Variants in SYCP2L observed in about 807,000 individuals in gnomAD.
The protein encoded by SYCP2L is synaptonemal complex protein 2-like.
Under a neutral mutation model 125.8 loss-of-function variants are expected in SYCP2L, and 98 were observed. The ratio of observed to expected loss-of-function variants is 0.78; its 90% CI spans 0.66 to 0.92. The LOEUF (loss-of-function observed/expected upper bound fraction) is 0.92. Among genes scored for constraint, SYCP2L ranks in the 40% least tolerant of loss-of-function variants. SYCP2L has a pLI of 0.00. For missense variants in SYCP2L, 842 were observed against 936.4 expected (o/e 0.90, Z 1.32); for synonymous variants, 317 against 325.4 (o/e 0.97, Z 0.28).
chr6:10,926,541 T>C, intron 16 of SYCP2L, 109 bp downstream of exon 16: 1 of 759,314 alleles, frequency 1.3e-6, no homozygotes, highest in Non-Finnish European at 2.2e-6. Context: ...GATGCGTGTC[T>C]GATGGCACTT....
In SYCP2L at chr6:10,894,013, G is replaced by C. The variant is rs1479487926; in HGVS notation, c.216+9G>C. On this transcript the variant is annotated intron_variant, in intron 3 of 29. Coordinates refer to ENST00000283141, the MANE Select transcript of SYCP2L (RefSeq NM_001040274.3). The stretch of plus-strand genomic sequence containing the variant: ...ACAGATCAATAAATAAGGCAAGTTG[G>C]TTTGCTTTGTGACCAAAATACAAAT... The C allele has an allele frequency of 6.2e-7, 1 of 1,603,932 alleles. No homozygotes were observed. Among genetic ancestry groups the C allele is most frequent in the Non-Finnish European group, 8.5e-7 (1 of 1,177,402 alleles).
intron 29 of SYCP2L, among the ~76,000 whole-genome samples, chr6:10,968,109 G>A (rs954502843): frequency 1.3e-5 from 2 of 152,144 alleles, no homozygotes; most frequent in African/African-American, 2.4e-5. Context: ...CATTTCCAGT[G>A]GATAAAATTG....
chr6:10,959,570 C>T (rs757128322), intron 26 of SYCP2L, among the ~76,000 whole-genome samples: 1 of 152,084 alleles, frequency 6.6e-6, no homozygotes, highest in Non-Finnish European at 1.5e-5. Context: ...GTGTATTTTA[C>T]CACAGTAAGA....
intron 10 of SYCP2L, 57 bp from the exon 11 acceptor site, chr6:10,910,091 A>G (rs1780578843): frequency 6.9e-7 from 1 of 1,457,896 alleles, no homozygotes; most frequent in East Asian, 2.3e-5. Context: ...CTAAGGTAGT[A>G]TTAACTAAGA....
intron 20 of SYCP2L, among the ~76,000 whole-genome samples, chr6:10,933,640 G>C (rs995883539): frequency 6.6e-6 from 1 of 152,136 alleles, no homozygotes; most frequent in African/African-American, 2.4e-5. Flanking sequence ...GGGGTCTTAC[G>C]ATCTTAGTAT....
chr6:10,936,798 A>G (rs77779825), intron 21 of SYCP2L, among the ~76,000 whole-genome samples: 1,603 of 152,318 alleles, frequency 0.011, 31 homozygotes, highest in African/African-American at 0.036. Flanking sequence ...GGATGTGGTT[A>G]TACCTACATC....
intron 14 of SYCP2L, among the ~76,000 whole-genome samples, chr6:10,915,323 G>T (rs894388028): frequency 6.6e-6 from 1 of 152,234 alleles, no homozygotes; most frequent in South Asian, 2.1e-4. Context: ...TCTGTCTCTT[G>T]TCTGATTGCT....
At chr6:10,967,339 C>G (rs1781699096) in intron 29 of SYCP2L, among the ~76,000 whole-genome samples, 1 of 151,980 alleles carries the variant, frequency 6.6e-6, no homozygotes, top group Non-Finnish European at 1.5e-5. Context: ...CAAAACAGGA[C>G]AAGGACAATC....
chr6:10,909,280 C>T (rs867328043), intron 10 of SYCP2L, among the ~76,000 whole-genome samples: 11 of 152,098 alleles, frequency 7.2e-5, no homozygotes, highest in African/African-American at 2.4e-4. Flanking sequence ...AGGCGTGTGC[C>T]ACCACTCCCG....
intron 26 of SYCP2L, among the ~76,000 whole-genome samples, chr6:10,959,805 G>T (rs574246345): frequency 1.1e-4 from 16 of 151,398 alleles, no homozygotes; most frequent in Admixed American, 1.1e-3. Context: ...GGAGGCGGAG[G>T]TTGCGGTGAG....
At chr6:10,919,913 A>T (rs1476606273) in intron 14 of SYCP2L, among the ~76,000 whole-genome samples, 1 of 151,960 alleles carries the variant, frequency 6.6e-6, no homozygotes, top group African/African-American at 2.4e-5. Flanking sequence ...GGCCGGTCTC[A>T]CTCCCACGGT....
At chr6:10,901,626 T>C (rs1780377946) in intron 6 of SYCP2L, among the ~76,000 whole-genome samples, 2 of 152,256 alleles carry the variant, frequency 1.3e-5, no homozygotes, top group African/African-American at 4.8e-5. Flanking sequence ...CTCTACCCTC[T>C]AGATGCCAAC....
intron 21 of SYCP2L, among the ~76,000 whole-genome samples, chr6:10,936,632 A>G (rs187631816): frequency 6.6e-6 from 1 of 152,362 alleles, no homozygotes; most frequent in African/African-American, 2.4e-5. Flanking sequence ...TAAATTCTCC[A>G]ATCAAAAGAC....
intron 4 of SYCP2L, among the ~76,000 whole-genome samples, chr6:10,895,699 C>T (rs1469975225): frequency 1.3e-5 from 2 of 152,006 alleles, no homozygotes; most frequent in African/African-American, 2.4e-5. Flanking sequence ...TCATCATATT[C>T]CACATCTCGA....
chr6:10,891,475 A>G, intron 1 of SYCP2L, 38 bp from the exon 2 acceptor site: 1 of 1,379,752 alleles, frequency 7.2e-7, no homozygotes, highest in Non-Finnish European at 1.0e-6. Context: ...TTTCTTTGAA[A>G]TAAAAATTGT....
At chr6:10,955,832 G>C (rs1444382255) in intron 24 of SYCP2L, among the ~76,000 whole-genome samples, 1 of 152,152 alleles carries the variant, frequency 6.6e-6, no homozygotes, top group Non-Finnish European at 1.5e-5. Context: ...GCCCTCTGAA[G>C]ACTGGCACCC....
intron 26 of SYCP2L, among the ~76,000 whole-genome samples, chr6:10,961,033 A>G (rs4713082): frequency 0.55 from 83,141 of 150,548 alleles, 23,925 homozygotes; most frequent in East Asian, 0.91. Context: ...AGCTGAGATC[A>G]CGCCATTGCA....
At chr6:10,919,696 G>T (rs376466228) in intron 14 of SYCP2L, among the ~76,000 whole-genome samples, 1 of 152,124 alleles carries the variant, frequency 6.6e-6, no homozygotes, top group Admixed American at 6.6e-5. Flanking sequence ...ATCATTGGGT[G>T]GGGGCAGGAT....
At chr6:10,938,407 C>T (rs1781145366) in intron 21 of SYCP2L, among the ~76,000 whole-genome samples, 1 of 152,086 alleles carries the variant, frequency 6.6e-6, no homozygotes, top group South Asian at 2.1e-4. Flanking sequence ...GAATGCACCT[C>T]AATATTAAAA....
Sources: allele counts gnomAD v4.1 joint callset (sites outside exome capture counted in the v4.1 genomes callset), GRCh38; gene constraint gnomAD v4.1.1; transcripts MANE v1.5; gene names NCBI Gene and HGNC (gene_info 2026-07-23, HGNC 2026-07-21).